Variants in MPDZ observed in about 807,000 individuals in gnomAD.
The protein encoded by MPDZ is multiple PDZ domain protein.
Under a neutral mutation model 239.1 loss-of-function variants are expected in MPDZ, and 234 were observed. The ratio of observed to expected loss-of-function variants is 0.98; its 90% CI spans 0.88 to 1.09. MPDZ has a LOEUF of 1.09. MPDZ is among the 50% of genes least tolerant of loss of function. The probability of loss-of-function intolerance (pLI) is 0.00; values close to 1 mark genes in which losing one functional copy is unlikely to be tolerated. For synonymous variants in MPDZ, 1,048 were observed against 881.3 expected (o/e 1.19, Z -3.35); for missense variants, 3,175 against 2,510.0 (o/e 1.26, Z -5.66).
intron 29 of MPDZ, 69 bp from the exon 30 acceptor site, chr9:13,136,872 A>G: frequency 4.8e-6 from 4 of 827,338 alleles, no homozygotes; most frequent in East Asian, 5.7e-5. Flanking sequence ...ATCCTTCCTC[A>G]TTAATGAAAA....
chr9:13,216,630 G>A, intron 10 of MPDZ, 144 bp downstream of exon 10: 3 of 545,202 alleles, frequency 5.5e-6, no homozygotes, highest in Non-Finnish European at 9.6e-6. Context: ...ATAATAGAAA[G>A]GGTAATTGTA....
Position 13,224,584 on chromosome 9 carries a change from C to G in MPDZ, c.184-1G>C. 6.3e-7 allele frequency: 1 copy of G among 1,595,574 alleles called. No individual in the cohort carries two copies. The highest frequency in any genetic ancestry group is 8.6e-7 in the Non-Finnish European group (1 of 1,166,394). On this transcript the variant is annotated splice_acceptor_variant, in intron 3 of 46. Transcript: ENST00000319217. LOFTEE classifies it high-confidence loss of function. ...AAGTTGCTGAAGTTGCAATATTTAC[C>G]TAAGAGTAATGCAGGGATTATTAAG... is the stretch of plus-strand genomic sequence containing the variant.
intron 1 of MPDZ, among the ~76,000 whole-genome samples, chr9:13,271,561 T>A (rs1332900991): frequency 2.6e-5 from 4 of 152,202 alleles, no homozygotes; most frequent in Non-Finnish European, 4.4e-5. Context: ...AAATCTATCC[T>A]CTTCTTTGGG....
At chr9:13,143,642 C>T in intron 26 of MPDZ, 78 bp from the exon 27 acceptor site, 2 of 1,120,874 alleles carry the variant, frequency 1.8e-6, no homozygotes, top group African/African-American at 1.5e-5. Flanking sequence ...AAAGTACATA[C>T]CGATTTAAAG....
chr9:13,223,774 GT>G, intron 4 of MPDZ, 64 bp from the exon 5 acceptor site: 3 of 1,490,272 alleles, frequency 2.0e-6, no homozygotes, highest in Non-Finnish European at 2.7e-6. Flanking sequence ...GTTCACGCCT[GT>G]AATCCCAGCA....
At chr9:13,145,159 G>C (rs920443372) in intron 26 of MPDZ, among the ~76,000 whole-genome samples, 1 of 152,086 alleles carries the variant, frequency 6.6e-6, no homozygotes, top group Non-Finnish European at 1.5e-5. Flanking sequence ...CGAAATGGTA[G>C]ATTACTCTAT....
intron 12 of MPDZ, among the ~76,000 whole-genome samples, chr9:13,197,705 T>C (rs969791095): frequency 6.6e-6 from 1 of 152,094 alleles, no homozygotes; most frequent in Non-Finnish European, 1.5e-5. Flanking sequence ...TTATTCCTTC[T>C]AGTTAATTGT....
chr9:13,155,177 C>T (rs1234376349), intron 24 of MPDZ, among the ~76,000 whole-genome samples: 1 of 150,050 alleles, frequency 6.7e-6, no homozygotes, highest in Non-Finnish European at 1.5e-5. Flanking sequence ...AGGATCGTGC[C>T]ACTGCATTCC....
chr9:13,176,927 A>G (rs1437717774), intron 19 of MPDZ, among the ~76,000 whole-genome samples: 1 of 152,190 alleles, frequency 6.6e-6, no homozygotes. Flanking sequence ...ATGGAGAAGA[A>G]TAGAAAGTTT....
intron 3 of MPDZ, among the ~76,000 whole-genome samples, chr9:13,227,537 T>C (rs974443838): frequency 6.6e-6 from 1 of 152,042 alleles, no homozygotes; most frequent in East Asian, 1.9e-4. Context: ...AAAAAATATT[T>C]GGACTTATGC....
At chr9:13,165,138 T>A (rs534123947) in intron 22 of MPDZ, among the ~76,000 whole-genome samples, 79 of 152,282 alleles carry the variant, frequency 5.2e-4, no homozygotes, top group African/African-American at 1.7e-3. Flanking sequence ...TTGGAAAATA[T>A]GATTTTCAAA....
chr9:13,204,300 G>T (rs1384405210), intron 12 of MPDZ, among the ~76,000 whole-genome samples: 1 of 152,040 alleles, frequency 6.6e-6, no homozygotes, highest in Non-Finnish European at 1.5e-5. Flanking sequence ...TTAAAATAAT[G>T]CTACTGGCCA....
chr9:13,151,567 C>CTATAT (rs966155500), intron 24 of MPDZ, among the ~76,000 whole-genome samples: 1 of 152,036 alleles, frequency 6.6e-6, no homozygotes, highest in African/African-American at 2.4e-5. Context: ...TAATTTCACT[C>CTATAT]ATATAAAGTA....
Position 13,106,881 on chromosome 9 carries a change from G to A in MPDZ, c.*84C>T. ...AGTTTTGAAGACCCGGCTGAACACA[G>A]CATAAAAATTGTCAGGACCAGTGCA... is the stretch of plus-strand genomic sequence containing the variant. On this transcript the variant is annotated 3_prime_UTR_variant, in exon 47 of 47. Coordinates refer to ENST00000319217, the MANE Select transcript of MPDZ (RefSeq NM_001378778.1). 2 of 1,461,226 alleles carry A rather than the reference G, an allele frequency of 1.4e-6. No individual in the cohort carries two copies. The highest frequency in any genetic ancestry group is 1.9e-6 in the Non-Finnish European group (2 of 1,062,694). 90.5% of individuals were successfully genotyped at this position (1,461,226 alleles called of 1,614,324 possible). A position where few individuals can be genotyped will look rare whatever the true frequency, so the allele number is the denominator to read the frequency against.
chr9:13,157,642 C>A (rs996243279), intron 24 of MPDZ, among the ~76,000 whole-genome samples: 1 of 152,050 alleles, frequency 6.6e-6, no homozygotes, highest in Non-Finnish European at 1.5e-5. Flanking sequence ...AACACACACA[C>A]ACACACACAC....
At chr9:13,218,326 C>T (rs1344460779) in intron 8 of MPDZ, among the ~76,000 whole-genome samples, 2 of 151,752 alleles carry the variant, frequency 1.3e-5, no homozygotes, top group African/African-American at 4.8e-5. Context: ...TATGCGAGTG[C>T]TATTTTAGAG....
At chr9:13,177,359 T>C (rs1201494312) in intron 19 of MPDZ, among the ~76,000 whole-genome samples, 2 of 152,164 alleles carry the variant, frequency 1.3e-5, no homozygotes, top group Non-Finnish European at 2.9e-5. Flanking sequence ...GTTTTCGCTA[T>C]GGCTTCTACT....
At chr9:13,162,580 G>A (rs1950608127) in intron 23 of MPDZ, 111 bp downstream of exon 23, 1 of 479,596 alleles carries the variant, frequency 2.1e-6, no homozygotes, top group East Asian at 3.3e-5. Context: ...AATCTTGAAA[G>A]AGGAAAAGGA....
intron 1 of MPDZ, among the ~76,000 whole-genome samples, chr9:13,271,148 C>A (rs1972865017): frequency 6.6e-6 from 1 of 152,062 alleles, no homozygotes; most frequent in African/African-American, 2.4e-5. Flanking sequence ...ATCTTTTTTA[C>A]AATTACCGGT....
Sources: allele counts gnomAD v4.1 joint callset (sites outside exome capture counted in the v4.1 genomes callset), GRCh38; gene constraint gnomAD v4.1.1; transcripts MANE v1.5; gene names NCBI Gene and HGNC (gene_info 2026-07-23, HGNC 2026-07-21).